PARD3B: variants seen among roughly 807,000 people sequenced by gnomAD.
PARD3B encodes the protein partitioning defective 3 homolog B.
A neutral mutation model predicts 130.2 loss-of-function variants in PARD3B; 103 were observed. That is an observed-to-expected ratio of 0.79 (90% CI 0.67 to 0.93). The LOEUF (loss-of-function observed/expected upper bound fraction) is 0.93, where lower values mean the gene tolerates loss of function less well. PARD3B is among the 40% of genes least tolerant of loss of function. The probability of loss-of-function intolerance (pLI) is 0.00; values close to 1 mark genes in which losing one functional copy is unlikely to be tolerated. For missense variants in PARD3B, 1,609 were observed against 1,499.2 expected, an observed-to-expected ratio of 1.07 and a Z score of -1.21; for synonymous variants, 583 against 553.2, an observed-to-expected ratio of 1.05 and a Z score of -0.76.
chr2:205,335,907 C>T lies in PARD3B; in HGVS notation c.2630+34206C>T, dbSNP rs778533914. Among the ~76,000 whole-genome samples, 249 of 152,246 alleles carry T rather than the reference C, an allele frequency of 1.6e-3. 6 individuals are homozygous for T. Among genetic ancestry groups the T allele is most frequent in the Middle Eastern group, 0.014 (4 of 294 alleles). On this transcript the variant is annotated intron_variant, in intron 18 of 22. Transcript: ENST00000406610. The stretch of plus-strand genomic sequence containing the variant: ...CTCATTCACTATCACGAGAACAGCA[C>T]GGGTAAGAACAGCACAAGTAAGACT...
At chr2:205,448,111 C>T (rs576310513) in intron 20 of PARD3B, among the ~76,000 whole-genome samples, 28 of 152,328 alleles carry the variant, frequency 1.8e-4, no homozygotes, top group Admixed American at 6.5e-4. Context: ...ATAATCATTT[C>T]TTCGGCATAA....
rs371762095 is a variant in PARD3B, at chr2:205,236,877, GTTTT to G, written c.2141-8900_2141-8897del. ...TAGAATCTAATGTCATTTAATGAAA[GTTTT>G]ATACACATTTAAAGAGTACTATTTG... On this transcript the variant is annotated intron_variant, in intron 15 of 22. Coordinates refer to ENST00000406610, the MANE Select transcript of PARD3B (RefSeq NM_001302769.2). Among the ~76,000 whole-genome samples, 980 of 152,172 alleles carry G rather than the reference GTTTT, an allele frequency of 6.4e-3. 13 individuals are homozygous for G. Among genetic ancestry groups the G allele is most frequent in the African/African-American group, 0.022 (924 of 41,532 alleles).
chr2:204,766,991 ATTTTATTT>A (rs55650965), intron 2 of PARD3B, among the ~76,000 whole-genome samples: 2 of 98,676 alleles, frequency 2.0e-5, no homozygotes, highest in African/African-American at 3.7e-5. Flanking sequence ...CACATTTTTT[ATTTTATTT>A]TTTTATTTTT....
intron 2 of PARD3B, among the ~76,000 whole-genome samples, chr2:204,901,756 C>A (rs1032254644): frequency 6.6e-6 from 1 of 152,034 alleles, no homozygotes. Context: ...ACAGTGAGAA[C>A]GGCCTGGGTA....
rs913410980 is a variant in PARD3B at position 205,460,788 on chromosome 2, C to T, written c.3044+20116C>T. 6.6e-5 allele frequency among the ~76,000 whole-genome samples: 10 copies of T among 152,124 alleles called. No homozygotes were observed. Among genetic ancestry groups the T allele is most frequent in the African/African-American group, 2.2e-4 (9 of 41,422 alleles). ...TGACTGGTTCTTCCTATTGTGTGAT[C>T]AGCAAGTTGTAGCCATTTTTTTCCT... On this transcript the variant is annotated intron_variant, in intron 20 of 22. Coordinates refer to ENST00000406610, the MANE Select transcript of PARD3B (RefSeq NM_001302769.2). This position sits in a 1 kb window ranked among gnomAD's most constrained non-coding sequence, Gnocchi z 4.9.
chr2:204,673,588 C>T lies in PARD3B; in HGVS notation c.121-12593C>T, dbSNP rs1232705261. Among the ~76,000 whole-genome samples, 1 of 152,210 alleles carries T rather than the reference C, an allele frequency of 6.6e-6. No individual in the cohort carries two copies. Among genetic ancestry groups the T allele is most frequent in the African/African-American group, 2.4e-5 (1 of 41,458 alleles). On this transcript the variant is annotated intron_variant, in intron 1 of 22. Transcript: ENST00000406610. The surrounding 1 kb of genome is among the most constrained non-coding windows in gnomAD (Gnocchi z 4.7). ...ATTTGTTAGAAGACCTGGCTCCCCA[C>T]CTCCAGTCTGCCACTGACTTGCCTC...
rs193083102 is a variant in PARD3B, at chr2:204,988,025, G to A, written c.394+22702G>A. 1.5e-3 allele frequency among the ~76,000 whole-genome samples: 231 copies of A among 151,570 alleles called. 2 individuals carry two copies. Among genetic ancestry groups the A allele is most frequent in the African/African-American group, 5.4e-3 (225 of 41,420 alleles). On this transcript the variant is annotated intron_variant, in intron 3 of 22. Transcript: ENST00000406610. The stretch of plus-strand genomic sequence containing the variant: ...AAATATGGCAAAAGAGAGAGAGAGA[G>A]AAACACCTAGAGTCCAGTGGGGGTC...
At chr2:204,971,213 G>T (rs1691672395) in intron 3 of PARD3B, among the ~76,000 whole-genome samples, 1 of 152,148 alleles carries the variant, frequency 6.6e-6, no homozygotes, top group Admixed American at 6.5e-5. Flanking sequence ...AAAACGTAAA[G>T]AAAGGGGAAG....
chr2:205,619,697 TCA>T lies in PARD3B; in HGVS notation c.*3891_*3892del, dbSNP rs1323460329. The T allele has an allele frequency of 6.6e-6, 1 of 152,182 alleles. No individual in the cohort carries two copies. The highest frequency in any genetic ancestry group is 1.5e-5 in the Non-Finnish European group (1 of 68,026). The allele number at this position is 152,182 out of a possible 1,614,324, so 9.4% of individuals were successfully genotyped here. A position where few individuals can be genotyped will look rare whatever the true frequency, so the allele number is the denominator to read the frequency against. On this transcript the variant is annotated 3_prime_UTR_variant, in exon 23 of 23. Coordinates refer to ENST00000406610, the MANE Select transcript of PARD3B (RefSeq NM_001302769.2). ...AGATATCTAAAATAAGCCTAGAATCTCACACACAGCTGTGACTTCTAAGTGAA... is the reference window on the plus strand; with the variant it reads ...AGATATCTAAAATAAGCCTAGAATCTCACACAGCTGTGACTTCTAAGTGAA...
In PARD3B at chr2:205,021,699, T is replaced by G. The variant is rs1696629993; in HGVS notation, c.395-25882T>G. Reference sequence around the variant, plus strand: ...TTTTCAATGACCCTGTGTCTTTCTTTGGATAGAAATTTAAAATAAACTTCC... The same window carrying G: ...TTTTCAATGACCCTGTGTCTTTCTTGGGATAGAAATTTAAAATAAACTTCC... On this transcript the variant is annotated intron_variant, in intron 3 of 22. Transcript: ENST00000406610. The surrounding 1 kb of genome is among the most constrained non-coding windows in gnomAD (Gnocchi z 4.5). Among the ~76,000 whole-genome samples, 1 of 151,800 alleles carries G rather than the reference T, an allele frequency of 6.6e-6. No homozygotes were observed. Among genetic ancestry groups the G allele is most frequent in the African/African-American group, 2.4e-5 (1 of 41,304 alleles).
intron 3 of PARD3B, among the ~76,000 whole-genome samples, chr2:204,997,733 T>C (rs1694350034): frequency 2.0e-5 from 3 of 151,850 alleles, no homozygotes; most frequent in Non-Finnish European, 4.4e-5. Context: ...ATTACTACAC[T>C]TAGAGCTCCA....
rs1365568946 is a variant in PARD3B, at chr2:204,545,577, C to G, written c.-423C>G. Among the ~76,000 whole-genome samples, 2 of 152,054 alleles carry G rather than the reference C, an allele frequency of 1.3e-5. No individual in the cohort carries two copies. The highest frequency in any genetic ancestry group is 3.9e-4 in the East Asian group (2 of 5,164). On this transcript the variant is annotated 5_prime_UTR_variant, in exon 1 of 23. Coordinates refer to ENST00000406610, the MANE Select transcript of PARD3B (RefSeq NM_001302769.2). ...TGCGCCGCCGCCGCCGCCGCCCACT[C>G]CAGCCCCCGGCTTGGGGCCGGCCCT...
chr2:204,593,222 G>A (rs2033148341), intron 1 of PARD3B, among the ~76,000 whole-genome samples: 1 of 152,146 alleles, frequency 6.6e-6, no homozygotes, highest in Non-Finnish European at 1.5e-5. Flanking sequence ...AACAGGTCTT[G>A]CACAAAATCC....
chr2:204,565,649 A>G (rs2031629243), intron 1 of PARD3B, among the ~76,000 whole-genome samples: 1 of 152,220 alleles, frequency 6.6e-6, no homozygotes, highest in Admixed American at 6.5e-5. Flanking sequence ...ATTATGATTG[A>G]CAACAAATGC....
chr2:204,673,846 C>CT lies in PARD3B; in HGVS notation c.121-12329dup, dbSNP rs2036416290. On this transcript the variant is annotated intron_variant, in intron 1 of 22. Coordinates refer to ENST00000406610, the MANE Select transcript of PARD3B (RefSeq NM_001302769.2). The surrounding 1 kb of genome is among the most constrained non-coding windows in gnomAD (Gnocchi z 4.7). ...CTTCCAAGAGCTGGATTTTTATTCT[C>CT]TTTTTTCTTAGATGTTGCAAGAACT... Among the ~76,000 whole-genome samples, 1 of 152,088 alleles carries CT rather than the reference C, an allele frequency of 6.6e-6. No homozygotes were observed. Among genetic ancestry groups the CT allele is most frequent in the Non-Finnish European group, 1.5e-5 (1 of 67,994 alleles).
At chr2:205,413,313 T>G (rs1333852400) in intron 19 of PARD3B, among the ~76,000 whole-genome samples, 4 of 152,158 alleles carry the variant, frequency 2.6e-5, no homozygotes, top group Non-Finnish European at 5.9e-5. Flanking sequence ...ATCGTAGATG[T>G]TTGTATTTAC....
intron 1 of PARD3B, among the ~76,000 whole-genome samples, chr2:204,645,065 G>GGA: frequency 6.6e-6 from 1 of 152,096 alleles, no homozygotes. Context: ...AAAGGGTTCT[G>GGA]GAGAGATTTT....
At chr2:204,582,127 TATGAGGCACCTCTGAGA>T (rs1171135544) in intron 1 of PARD3B, among the ~76,000 whole-genome samples, 1 of 152,142 alleles carries the variant, frequency 6.6e-6, no homozygotes, top group Non-Finnish European at 1.5e-5. Flanking sequence ...GTTCCCAAGG[TATGAGGCACCTCTGAGA>T]ACTCCCAGAG....
chr2:205,246,537 CTAGGGGCA>C (rs1409953765), intron 16 of PARD3B, among the ~76,000 whole-genome samples: 1 of 152,186 alleles, frequency 6.6e-6, no homozygotes, highest in Non-Finnish European at 1.5e-5. Flanking sequence ...TCCCTTTCCT[CTAGGGGCA>C]CATTGTTTTG....
Sources: gnomAD v4.1 joint callset for allele counts (sites outside exome capture counted in the v4.1 genomes callset) on GRCh38, gnomAD v4.1.1 for gene constraint, Gnocchi (gnomAD v3.1) non-coding constraint, MANE v1.5 for transcripts, NCBI Gene and HGNC (gene_info 2026-07-23, HGNC 2026-07-21) for gene names.